ERLEC1: variants seen among roughly 807,000 people sequenced by gnomAD.
ERLEC1 encodes the protein endoplasmic reticulum lectin 1, also known as ER lectin.
Under a neutral mutation model 68.0 loss-of-function variants are expected in ERLEC1, and 47 were observed. That is an observed-to-expected ratio of 0.69 (90% CI 0.55 to 0.88). ERLEC1 has a LOEUF of 0.88. Ranked by LOEUF, ERLEC1 falls within the 40% of genes least tolerant of loss-of-function variation. ERLEC1 has a pLI of 0.00. For missense variants in ERLEC1, 567 were observed against 583.8 expected (o/e 0.97, Z 0.30); for synonymous variants, 225 against 203.2 (o/e 1.11, Z -0.91).
chr2:53,794,908 C>T (rs1558592902), intron 2 of ERLEC1, among the ~76,000 whole-genome samples: 1 of 152,106 alleles, frequency 6.6e-6, no homozygotes, highest in Non-Finnish European at 1.5e-5. Context: ...CCACCTCGGC[C>T]TCCCAAAGTG....
chr2:53,797,886 C>A, intron 5 of ERLEC1, 91 bp downstream of exon 5: 4 of 1,185,570 alleles, frequency 3.4e-6, no homozygotes, highest in South Asian at 1.3e-5. Context: ...TTTTTTTGGA[C>A]ATTGTGTGAA....
chr2:53,800,511 A>G (rs13428860), intron 6 of ERLEC1, among the ~76,000 whole-genome samples: 1,538 of 152,260 alleles, frequency 0.01, 26 homozygotes, highest in African/African-American at 0.035. Flanking sequence ...CTTAAAAATC[A>G]CATACATATA....
In ERLEC1 at chr2:53,793,994, A is replaced by G. The variant is rs143185392; in HGVS notation, c.163-351A>G. 2.0e-5 allele frequency among the ~76,000 whole-genome samples: 3 copies of G among 152,300 alleles called. No homozygotes were observed. In the East Asian group the frequency reaches 5.8e-4, roughly 29 times the overall value. On this transcript the variant is annotated intron_variant, in intron 1 of 13. Coordinates refer to ENST00000185150, the MANE Select transcript of ERLEC1 (RefSeq NM_015701.5). ...AGTGGAGGCTAAGTGTTGAATACAC[A>G]CTCAAAGACGAGAACAATAAACACT...
chr2:53,811,399 G>A (rs965760558), intron 10 of ERLEC1, among the ~76,000 whole-genome samples: 1 of 152,168 alleles, frequency 6.6e-6, no homozygotes, highest in Admixed American at 6.5e-5. Context: ...GCCTTCCAGA[G>A]TTAGACCAGT....
intron 1 of ERLEC1, among the ~76,000 whole-genome samples, chr2:53,790,260 A>AT (rs113238828): frequency 4.6e-5 from 7 of 151,084 alleles, no homozygotes; most frequent in Admixed American, 2.0e-4. Context: ...CACCTGGCTA[A>AT]TTTTTTTTTG....
chr2:53,805,710 TG>T (rs1228119154), intron 8 of ERLEC1, among the ~76,000 whole-genome samples: 5 of 152,256 alleles, frequency 3.3e-5, no homozygotes, highest in African/African-American at 1.2e-4. Flanking sequence ...TCTAGTTTTT[TG>T]AGAAAGCTCC....
intron 8 of ERLEC1, among the ~76,000 whole-genome samples, chr2:53,807,980 G>A (rs553260353): frequency 7.3e-5 from 11 of 150,422 alleles, no homozygotes; most frequent in South Asian, 2.1e-4. Context: ...AGCTGAGACC[G>A]CACCAGCGCA....
chr2:53,813,222 G>C, intron 11 of ERLEC1, 149 bp downstream of exon 11: 2 of 911,988 alleles, frequency 2.2e-6, no homozygotes, highest in African/African-American at 1.7e-5. Flanking sequence ...TCTTTTCTTA[G>C]GGAAGCAACA....
In ERLEC1 at chr2:53,809,281, A is replaced by C. The variant is rs780917568; in HGVS notation, c.1101+8A>C. Reference sequence around the variant, plus strand: ...GTACATCAATACCATGAGGTATAGAATAGCATTTATATATCATTCTACCAC... The same window carrying C: ...GTACATCAATACCATGAGGTATAGACTAGCATTTATATATCATTCTACCAC... On this transcript the variant is annotated splice_region_variant and intron_variant, in intron 10 of 13. Transcript: ENST00000185150. The C allele has an allele frequency of 9.8e-6, 15 of 1,525,800 alleles. No individual in the cohort carries two copies. The Admixed American group carries it at 3.6e-4, about 37-fold the overall frequency. The allele number at this position is 1,525,800 out of a possible 1,614,324, so 94.5% of individuals were successfully genotyped here.
In ERLEC1 at chr2:53,808,451, CT is replaced by C; in HGVS notation, c.1035del (p.Arg346ValfsTer78). Reference protein sequence around the residue: ...IKEFLSGSYCFRGGVGWWKYE... With the variant: ...IKEFLSGSYCXRGGVGWWKYE... ...AAGAGTTTCTTAGTGGTTCTTACTGCTTTCGTGGGGTGAGAAGTAAATCTTC... is the reference window on the plus strand; with the variant it reads ...AAGAGTTTCTTAGTGGTTCTTACTGCTTCGTGGGGTGAGAAGTAAATCTTC... On this transcript the variant is annotated frameshift_variant, in exon 9 of 14. Coordinates refer to ENST00000185150, the MANE Select transcript of ERLEC1 (RefSeq NM_015701.5). LOFTEE classifies it high-confidence loss of function. 6.2e-7 allele frequency: 1 copy of C among 1,613,576 alleles called. No individual in the cohort carries two copies. Among genetic ancestry groups the C allele is most frequent in the Non-Finnish European group, 8.5e-7 (1 of 1,179,940 alleles).
Position 53,808,431 on chromosome 2 carries a change from TTTCTTAGTGG to T in ERLEC1, c.1019_1028del (p.Ser340ThrfsTer81). 1 of 1,613,742 alleles carries T rather than the reference TTTCTTAGTGG, an allele frequency of 6.2e-7. No homozygotes were observed. The highest frequency in any genetic ancestry group is 8.5e-7 in the Non-Finnish European group (1 of 1,179,978). ...GACAGATGACCAACTCATAAAAGAG[TTTCTTAGTGG>T]TTCTTACTGCTTTCGTGGGGTGAGA... On this transcript the variant is annotated frameshift_variant, in exon 9 of 14. Transcript: ENST00000185150. LOFTEE classifies it high-confidence loss of function.
At chr2:53,795,884 G>T (rs1261897878) in intron 2 of ERLEC1, 49 bp from the exon 3 acceptor site, 1 of 1,257,594 alleles carries the variant, frequency 8.0e-7, no homozygotes, top group Admixed American at 2.1e-5. Context: ...AGCAAAGTTG[G>T]GTGAAATTCT....
intron 6 of ERLEC1, among the ~76,000 whole-genome samples, chr2:53,801,021 A>C (rs1244036407): frequency 1.3e-5 from 2 of 152,136 alleles, no homozygotes; most frequent in Non-Finnish European, 2.9e-5. Flanking sequence ...AGTTTAGAGA[A>C]GAAAGCTCTG....
Position 53,797,772 on chromosome 2 carries a change from C to T in ERLEC1, c.467C>T (p.Ala156Val). 6.2e-7 allele frequency: 1 copy of T among 1,612,660 alleles called. No homozygotes were observed. Among genetic ancestry groups the T allele is most frequent in the Non-Finnish European group, 8.5e-7 (1 of 1,179,314 alleles). ...GAGTACTACCTTGGGAATATGTTGG[C>T]CAAGAACCTTCTATTTGAAAAAGGT... is the stretch of plus-strand genomic sequence containing the variant. ...IHEYYLGNML[A>V]KNLLFEKERE... is the part of the protein sequence containing the mutation. The change falls in exon 5 of 14, where the codon GCC becomes GTC. Residue 156 changes from alanine (A) to valine (V), a missense_variant. Ala to Val is a moderately conservative substitution (Grantham distance 64, BLOSUM62 0). Transcript: ENST00000185150.
In ERLEC1 at chr2:53,807,442, G is replaced by T. The variant is rs190288106; in HGVS notation, c.880-857G>T. On this transcript the variant is annotated intron_variant, in intron 8 of 13. Transcript: ENST00000185150. ...TTTCTTTGAGACAGAGTCTCACTCT[G>T]TCACCCAAGCTGGAGTGTAGTGGCG... 3.3e-5 allele frequency among the ~76,000 whole-genome samples: 5 copies of T among 151,378 alleles called. No homozygotes were observed. The East Asian group carries it at 9.7e-4, about 29-fold the overall frequency.
Position 53,787,387 on chromosome 2 carries a change from TA to T in ERLEC1, c.162+17del, listed in dbSNP as rs1558586657. ...AGTTCTCTCTGGTCAGTGCCCTCAC[TA>T]ACCCCGCAGCCACCCCTCCTCCTGA... On this transcript the variant is annotated intron_variant, in intron 1 of 13. Transcript: ENST00000185150. 5 of 1,598,564 alleles carry T rather than the reference TA, an allele frequency of 3.1e-6. No individual in the cohort carries two copies. The highest frequency in any genetic ancestry group is 4.3e-6 in the Non-Finnish European group (5 of 1,171,994).
At chr2:53,799,677 CTT>C (rs1428385043) in intron 6 of ERLEC1, among the ~76,000 whole-genome samples, 2 of 151,946 alleles carry the variant, frequency 1.3e-5, no homozygotes, top group Non-Finnish European at 2.9e-5. Context: ...TTAAAAATAA[CTT>C]ATTAATAGAG....
chr2:53,787,601 C>G, intron 1 of ERLEC1: 1 of 420,828 alleles, frequency 2.4e-6, no homozygotes, highest in Non-Finnish European at 4.1e-6. Context: ...TGCTCTCCAC[C>G]TTTTCAATTC....
chr2:53,798,992 A>G, intron 5 of ERLEC1, 55 bp from the exon 6 acceptor site: 2 of 1,537,504 alleles, frequency 1.3e-6, no homozygotes, highest in Non-Finnish European at 1.8e-6. Context: ...AAACTTACTC[A>G]TTTGTACCAC....
Sources: allele counts gnomAD v4.1 joint callset (sites outside exome capture counted in the v4.1 genomes callset), GRCh38; gene constraint gnomAD v4.1.1; transcripts MANE v1.5; gene names NCBI Gene and HGNC (gene_info 2026-07-23, HGNC 2026-07-21).